Variants in PACRGL observed in about 807,000 individuals in gnomAD.
PACRGL encodes parkin coregulated like, also known as PACRG-like protein.
In PACRGL, 38 loss-of-function variants were observed where a neutral mutation model predicts 34.5. The observed-to-expected ratio is 1.10, with a 90% CI of 0.85 to 1.44. PACRGL has a LOEUF of 1.44. Ranked by LOEUF, PACRGL falls within the 40% of genes most tolerant of loss-of-function variation. The probability of loss-of-function intolerance (pLI) is 0.00; values close to 1 mark genes in which losing one functional copy is unlikely to be tolerated. For missense variants in PACRGL, 305 were observed against 281.4 expected, an observed-to-expected ratio of 1.08 and a Z score of -0.60; for synonymous variants, 128 against 100.1, an observed-to-expected ratio of 1.28 and a Z score of -1.66.
chr4:20,740,702 A>G (rs1034198392), intron 8 of PACRGL, among the ~76,000 whole-genome samples: 1 of 152,208 alleles, frequency 6.6e-6, no homozygotes, highest in Non-Finnish European at 1.5e-5. Context: ...TCATAATGAC[A>G]GGATCAAATT....
chr4:20,721,426 C>A (rs1209844704), intron 7 of PACRGL, among the ~76,000 whole-genome samples: 1 of 151,930 alleles, frequency 6.6e-6, no homozygotes, highest in Non-Finnish European at 1.5e-5. Context: ...TTCAGGTTTT[C>A]TGCTCTGTTT....
In PACRGL at chr4:20,728,464, T is replaced by C. The variant is rs1468041277; in HGVS notation, c.*1123T>C. On this transcript the variant is annotated 3_prime_UTR_variant, in exon 9 of 9. Coordinates refer to ENST00000503585, the MANE Select transcript of PACRGL (RefSeq NM_001258345.3). ...TGTAATAGAAGCAATTCCCTCTGGC[T>C]ACAACAGCTGCCTGCCTGCTGGCCT... The C allele has an allele frequency of 6.6e-6, 1 of 152,250 alleles. No homozygotes were observed. Among genetic ancestry groups the C allele is most frequent in the African/African-American group, 2.4e-5 (1 of 41,462 alleles). The allele number at this position is 152,250 out of a possible 1,614,324, so 9.4% of individuals were successfully genotyped here.
chr4:20,708,771 G>T (rs1735714038), intron 4 of PACRGL, among the ~76,000 whole-genome samples: 1 of 152,172 alleles, frequency 6.6e-6, no homozygotes, highest in African/African-American at 2.4e-5. Context: ...TGATTGTGAT[G>T]ATAGTTCCTT....
At chr4:20,737,242 A>G (rs549406508), downstream of PACRGL, among the ~76,000 whole-genome samples, 1 of 152,274 alleles carries the variant, frequency 6.6e-6, no homozygotes, top group East Asian at 1.9e-4. Context: ...AGAAGTTGCT[A>G]AAGAAGTGAG....
At chr4:20,761,799 A>G in the PACRGL span, among the ~76,000 whole-genome samples, 2 of 152,336 alleles carry the variant, frequency 1.3e-5, no homozygotes, top group African/African-American at 2.4e-5. Flanking sequence ...GTCAGAGGAA[A>G]CCTTTTCTCT....
chr4:20,730,474 A>T lies in PACRGL; in HGVS notation c.*3133A>T, dbSNP rs551323326. ...TGTCAAAGCAAATGAGAATTTTGGC[A>T]TTCTATGTAGATCACAGGCCAAATC... On this transcript the variant is annotated 3_prime_UTR_variant, in exon 9 of 9. Coordinates refer to ENST00000503585, the MANE Select transcript of PACRGL (RefSeq NM_001258345.3). Among the ~76,000 whole-genome samples, 1 of 151,900 alleles carries T rather than the reference A, an allele frequency of 6.6e-6. No individual in the cohort carries two copies. The highest frequency in any genetic ancestry group is 1.5e-5 in the Non-Finnish European group (1 of 68,040).
chr4:20,719,695 C>G (rs1035806705), intron 7 of PACRGL, among the ~76,000 whole-genome samples: 1 of 151,664 alleles, frequency 6.6e-6, no homozygotes, highest in Non-Finnish European at 1.5e-5. Context: ...GTCTGAGAGA[C>G]AGTTTGTTAT....
chr4:20,759,751 T>C, the PACRGL span, among the ~76,000 whole-genome samples: 5 of 152,180 alleles, frequency 3.3e-5, no homozygotes, highest in Non-Finnish European at 7.3e-5. Flanking sequence ...AATTCCTCCA[T>C]TTTTTGGAGT....
chr4:20,715,173 AC>A (rs1739263338), intron 7 of PACRGL, among the ~76,000 whole-genome samples: 1 of 152,210 alleles, frequency 6.6e-6, no homozygotes, highest in African/African-American at 2.4e-5. Context: ...TGTCACAAGG[AC>A]AAAAAACCAA....
intron 8 of PACRGL, among the ~76,000 whole-genome samples, chr4:20,744,233 A>G (rs1303264003): frequency 6.6e-6 from 1 of 152,194 alleles, no homozygotes; most frequent in Non-Finnish European, 1.5e-5. Context: ...TAGAAATACC[A>G]TTTGACCCAG....
chr4:20,758,070 A>G, the PACRGL span, among the ~76,000 whole-genome samples: 12 of 152,124 alleles, frequency 7.9e-5, no homozygotes, highest in African/African-American at 2.4e-4. Flanking sequence ...AATTCCCCCT[A>G]CGTGATCAGC....
chr4:20,756,304 T>C (rs1399747996), downstream of PACRGL, among the ~76,000 whole-genome samples: 1 of 152,170 alleles, frequency 6.6e-6, no homozygotes, highest in African/African-American at 2.4e-5. Flanking sequence ...CCCTCTTGTC[T>C]TGAGATAAAA....
At chr4:20,741,393 A>G (rs568624804) in intron 8 of PACRGL, among the ~76,000 whole-genome samples, 2 of 152,252 alleles carry the variant, frequency 1.3e-5, no homozygotes, top group Admixed American at 6.5e-5. Flanking sequence ...AATGCAATCA[A>G]ATTAAAACTC....
rs1748168478 is a variant in PACRGL at position 20,731,416 on chromosome 4, A to G, written c.*4075A>G. On this transcript the variant is annotated 3_prime_UTR_variant, in exon 9 of 9. Transcript: ENST00000503585. Reference sequence around the variant, plus strand: ...TGGTTCTGCCCACACATCAAGTCAAATAATTCTAAGTAAGCTAACACTGGT... The same window carrying G: ...TGGTTCTGCCCACACATCAAGTCAAGTAATTCTAAGTAAGCTAACACTGGT... The G allele has an allele frequency of 4.1e-6, 4 of 985,226 alleles. 1 individual carries two copies. In the South Asian group the frequency reaches 1.9e-4, roughly 46 times the overall value. The allele number at this position is 985,226 out of a possible 1,614,324, so 61.0% of individuals were successfully genotyped here.
chr4:20,714,867 G>A (rs1478815555), intron 7 of PACRGL, among the ~76,000 whole-genome samples: 1 of 152,142 alleles, frequency 6.6e-6, no homozygotes, highest in Admixed American at 6.6e-5. Context: ...TCAGTGTGGC[G>A]ATTCCTCAGG....
At chr4:20,707,631 A>C (rs1735127256) in intron 3 of PACRGL, among the ~76,000 whole-genome samples, 172 bp from the exon 4 acceptor site, 1 of 152,156 alleles carries the variant, frequency 6.6e-6, no homozygotes, top group African/African-American at 2.4e-5. Context: ...GAGATGTACC[A>C]AGTGTGGTCG....
intron 6 of PACRGL, 130 bp from the exon 7 acceptor site, chr4:20,713,302 T>A: frequency 3.0e-6 from 2 of 673,574 alleles, no homozygotes; most frequent in Non-Finnish European, 4.9e-6. Flanking sequence ...TTGTTGACTA[T>A]CTTCTGATTG....
At chr4:20,710,602 C>T (rs1391120769) in intron 5 of PACRGL, among the ~76,000 whole-genome samples, 2 of 152,074 alleles carry the variant, frequency 1.3e-5, no homozygotes, top group African/African-American at 2.4e-5. Context: ...ATAAACATGG[C>T]AGTGCCTTTT....
chr4:20,710,062 G>A (rs62410106), intron 5 of PACRGL, among the ~76,000 whole-genome samples: 3,033 of 152,252 alleles, frequency 0.02, 46 homozygotes, highest in Middle Eastern at 0.031. Flanking sequence ...TCATAATGAG[G>A]AGAGATTTTT....
Sources: allele counts gnomAD v4.1 joint callset (sites outside exome capture counted in the v4.1 genomes callset), GRCh38; gene constraint gnomAD v4.1.1; transcripts MANE v1.5; gene names NCBI Gene and HGNC (gene_info 2026-07-23, HGNC 2026-07-21).